NAV2: variants seen among roughly 807,000 people sequenced by gnomAD.
NAV2 encodes neuron navigator 2.
Under a neutral mutation model 223.2 loss-of-function variants are expected in NAV2, and 54 were observed. The ratio of observed to expected loss-of-function variants is 0.24; its 90% CI spans 0.19 to 0.30. NAV2 has a LOEUF of 0.30. NAV2 is among the 10% of genes least tolerant of loss of function. The pLI is 1.00. For synonymous variants in NAV2, 1,279 were observed against 1,239.3 expected, an observed-to-expected ratio of 1.03 and a Z score of -0.67; for missense variants, 2,806 against 3,147.5, an observed-to-expected ratio of 0.89 and a Z score of 2.60.
At chr11:19,686,718 C>T (rs1488849591) in intron 1 of NAV2, among the ~76,000 whole-genome samples, 1 of 152,210 alleles carries the variant, frequency 6.6e-6, no homozygotes, top group East Asian at 1.9e-4. Context: ...GTCCTAGACT[C>T]GAGGAGGCCC....
intron 1 of NAV2, among the ~76,000 whole-genome samples, chr11:19,628,083 T>A (rs1374866498): frequency 6.6e-6 from 1 of 152,064 alleles, no homozygotes; most frequent in African/African-American, 2.4e-5. Context: ...CTGGGGAGAA[T>A]CTCCTGTTGC....
intron 4 of NAV2, among the ~76,000 whole-genome samples, chr11:19,871,003 G>A (rs908471150): frequency 2.6e-5 from 4 of 152,200 alleles, no homozygotes; most frequent in African/African-American, 9.7e-5. Flanking sequence ...ACACTCAGCT[G>A]TCTGCCCCTT....
intron 11 of NAV2, among the ~76,000 whole-genome samples, chr11:19,988,244 T>C (rs150783630): frequency 2.0e-5 from 3 of 152,316 alleles, no homozygotes; most frequent in South Asian, 2.1e-4. Context: ...CTCTCGAATG[T>C]CATCCCAAGA....
intron 1 of NAV2, among the ~76,000 whole-genome samples, chr11:19,382,221 G>A (rs1848866313): frequency 6.6e-6 from 1 of 152,226 alleles, no homozygotes; most frequent in Non-Finnish European, 1.5e-5. Context: ...ATAATGTGCT[G>A]CAACACCATG....
intron 1 of NAV2, among the ~76,000 whole-genome samples, chr11:19,595,966 A>G (rs1319340862): frequency 6.6e-6 from 1 of 152,220 alleles, no homozygotes; most frequent in African/African-American, 2.4e-5. Context: ...TAAATAAAAG[A>G]TTCCTAAAAC....
chr11:20,105,771 G>T (rs1234180541), intron 35 of NAV2, 44 bp downstream of exon 35: 1 of 1,517,048 alleles, frequency 6.6e-7, no homozygotes, highest in South Asian at 1.2e-5. Flanking sequence ...GGCATCCTCA[G>T]GTGCCCATCC....
chr11:20,051,197 C>G lies in NAV2; in HGVS notation c.4437-92C>G, dbSNP rs1202043601. ...TTCCTGGTGATGTGCACCTCTTTCT[C>G]CAGGGCCCTTCAGTCCCCTCCCTAG... On this transcript the variant is annotated intron_variant, in intron 16 of 37. Transcript: ENST00000349880. 7 of 1,032,544 alleles carry G rather than the reference C, an allele frequency of 6.8e-6. No individual in the cohort carries two copies. The Admixed American group carries it at 8.6e-5, about 13-fold the overall frequency. The allele number at this position is 1,032,544 out of a possible 1,614,324, so 64.0% of individuals were successfully genotyped here. A position where few individuals can be genotyped will look rare whatever the true frequency, so the allele number is the denominator to read the frequency against.
chr11:19,983,175 T>C (rs1026898625), intron 10 of NAV2, among the ~76,000 whole-genome samples: 1 of 152,134 alleles, frequency 6.6e-6, no homozygotes, highest in African/African-American at 2.4e-5. Flanking sequence ...CAGTCTCCTT[T>C]ATGGGGGCTG....
chr11:19,884,792 T>C (rs932666969), intron 5 of NAV2, among the ~76,000 whole-genome samples: 2 of 152,140 alleles, frequency 1.3e-5, no homozygotes, highest in African/African-American at 4.8e-5. Flanking sequence ...GTTGTTGTTG[T>C]TGTTGTTGTT....
chr11:19,414,293 C>T (rs1850272540), intron 1 of NAV2, among the ~76,000 whole-genome samples: 1 of 152,224 alleles, frequency 6.6e-6, no homozygotes, highest in African/African-American at 2.4e-5. Context: ...GGGTTGCAAT[C>T]CTAGTTCTCT....
At chr11:19,686,939 A>G (rs2049040865) in intron 1 of NAV2, among the ~76,000 whole-genome samples, 1 of 152,192 alleles carries the variant, frequency 6.6e-6, no homozygotes, top group Non-Finnish European at 1.5e-5. Context: ...GGCGGGCACT[A>G]TTATTAGCCC....
At chr11:19,719,149 C>T (rs1047342356) in intron 1 of NAV2, among the ~76,000 whole-genome samples, 9 of 152,168 alleles carry the variant, frequency 5.9e-5, no homozygotes, top group Non-Finnish European at 8.8e-5. Flanking sequence ...AACCACCCAG[C>T]GAGATTTTGG....
Position 20,118,380 on chromosome 11 carries a change from A to C in NAV2, c.*122A>C. 1 of 1,176,228 alleles carries C rather than the reference A, an allele frequency of 8.5e-7. No individual in the cohort carries two copies. Among genetic ancestry groups the C allele is most frequent in the Non-Finnish European group, 1.2e-6 (1 of 830,548 alleles). 72.9% of individuals were successfully genotyped at this position (1,176,228 alleles called of 1,614,324 possible). On this transcript the variant is annotated 3_prime_UTR_variant, in exon 38 of 38. Transcript: ENST00000349880. The stretch of plus-strand genomic sequence containing the variant: ...GCCACAGCCTTAGAGCTGCGGGAAC[A>C]CCGAGACCCCCCGTCCTTCAGCCTC...
At position 19,546,738 on chromosome 11, in the gene NAV2, C is replaced by A. The variant is rs1463536964; in HGVS notation, c.75+195711C>A. 5.3e-5 allele frequency among the ~76,000 whole-genome samples: 8 copies of A among 152,260 alleles called. No individual in the cohort carries two copies. The East Asian group carries it at 1.5e-3, about 29-fold the overall frequency. On this transcript the variant is annotated intron_variant, in intron 1 of 37. Coordinates refer to the NAV2 transcript ENST00000360655. The stretch of plus-strand genomic sequence containing the variant: ...TAACTTTCCCTAAAAGTAAATGTAA[C>A]CGTTTTAGTGTTTTTACTTTCCACT...
chr11:19,843,028 G>A, intron 3 of NAV2, 105 bp downstream of exon 3: 4 of 888,716 alleles, frequency 4.5e-6, no homozygotes, highest in Non-Finnish European at 7.2e-6. Context: ...TTTACTCCAG[G>A]GGATTATATT....
intron 1 of NAV2, among the ~76,000 whole-genome samples, chr11:19,778,533 AC>A (rs1408995344): frequency 6.6e-6 from 1 of 152,190 alleles, no homozygotes; most frequent in East Asian, 1.9e-4. Flanking sequence ...CACAAAAAAA[AC>A]AAAAAGAAAG....
intron 1 of NAV2, among the ~76,000 whole-genome samples, chr11:19,670,607 C>G (rs1457867329): frequency 6.6e-6 from 1 of 152,176 alleles, no homozygotes; most frequent in Non-Finnish European, 1.5e-5. Flanking sequence ...GAGAAGAGGA[C>G]TGCTGACCAA....
intron 11 of NAV2, 89 bp downstream of exon 11, chr11:19,984,336 A>C: frequency 6.3e-7 from 1 of 1,587,550 alleles, no homozygotes; most frequent in Non-Finnish European, 8.6e-7. Context: ...GGGAGAGTGA[A>C]TGGAGACTTG....
intron 10 of NAV2, among the ~76,000 whole-genome samples, chr11:19,982,193 C>T (rs2625331): frequency 0.13 from 20,090 of 152,094 alleles, 1,803 homozygotes; most frequent in East Asian, 0.49. Flanking sequence ...AGATTTAATT[C>T]ATATATCATG....
Sources: gnomAD v4.1 joint callset for allele counts (sites outside exome capture counted in the v4.1 genomes callset) on GRCh38, gnomAD v4.1.1 for gene constraint, MANE v1.5 for transcripts, NCBI Gene and HGNC (gene_info 2026-07-23, HGNC 2026-07-21) for gene names.